SLCO5A1: variants seen among roughly 807,000 people sequenced by gnomAD.
SLCO5A1 encodes organic anion transporter polypeptide-related protein 4.
A neutral mutation model predicts 65.1 loss-of-function variants in SLCO5A1; 39 were observed. That is an observed-to-expected ratio of 0.60 (90% confidence interval 0.46 to 0.78). The LOEUF is 0.78. Among genes scored for constraint, SLCO5A1 ranks in the 30% least tolerant of loss-of-function variants. The pLI is 0.00. For synonymous variants in SLCO5A1, 438 were observed against 415.7 expected, an observed-to-expected ratio of 1.05 and a Z score of -0.65; for missense variants, 1,029 against 1,069.4, an observed-to-expected ratio of 0.96 and a Z score of 0.53.
intron 8 of SLCO5A1, among the ~76,000 whole-genome samples, chr8:69,678,332 C>CA (rs1813631244): frequency 6.6e-6 from 1 of 152,088 alleles, no homozygotes. Flanking sequence ...AGGAACTCCC[C>CA]AAACCTCCGT....
chr8:69,773,058 G>A, intron 2 of SLCO5A1: 1 of 714,950 alleles, frequency 1.4e-6, no homozygotes, highest in Non-Finnish European at 1.7e-6. Flanking sequence ...TAAAGGCTGA[G>A]CAGCACACAT....
chr8:69,820,884 G>C (rs1334718714), intron 2 of SLCO5A1, among the ~76,000 whole-genome samples: 1 of 152,078 alleles, frequency 6.6e-6, no homozygotes, highest in Non-Finnish European at 1.5e-5. Flanking sequence ...AAATGTTATA[G>C]CAAGAGAAAC....
chr8:69,823,197 G>C (rs984245182), intron 2 of SLCO5A1, among the ~76,000 whole-genome samples: 2 of 152,028 alleles, frequency 1.3e-5, no homozygotes, highest in Non-Finnish European at 2.9e-5. Flanking sequence ...TTGAGGCTAG[G>C]AAAAAACTGC....
At chr8:69,771,270 C>G (rs1255107092) in intron 2 of SLCO5A1, among the ~76,000 whole-genome samples, 2 of 152,204 alleles carry the variant, frequency 1.3e-5, no homozygotes, top group African/African-American at 4.8e-5. Flanking sequence ...AGGTGTGAAC[C>G]ACCACGCCCC....
intron 5 of SLCO5A1, among the ~76,000 whole-genome samples, chr8:69,707,412 G>T (rs1815019402): frequency 6.6e-6 from 1 of 152,060 alleles, no homozygotes; most frequent in Non-Finnish European, 1.5e-5. Context: ...TCTGCACAAA[G>T]AAAATACATG....
chr8:69,716,882 C>A (rs1405400042), intron 5 of SLCO5A1, among the ~76,000 whole-genome samples: 2 of 151,630 alleles, frequency 1.3e-5, no homozygotes, highest in African/African-American at 2.4e-5. Context: ...CAGGTCCAAG[C>A]AATTCTCCCT....
At chr8:69,814,736 G>A (rs1485929197) in intron 2 of SLCO5A1, among the ~76,000 whole-genome samples, 1 of 152,116 alleles carries the variant, frequency 6.6e-6, no homozygotes, top group Non-Finnish European at 1.5e-5. Flanking sequence ...CATGTTCACT[G>A]CAGCACTATT....
chr8:69,752,247 A>G (rs1039893615), intron 4 of SLCO5A1, among the ~76,000 whole-genome samples: 4 of 152,146 alleles, frequency 2.6e-5, no homozygotes, highest in African/African-American at 9.7e-5. Flanking sequence ...CTAAAATAGA[A>G]TAAAAATTTT....
intron 5 of SLCO5A1, among the ~76,000 whole-genome samples, chr8:69,721,787 A>C (rs1815828318): frequency 6.6e-6 from 1 of 152,230 alleles, no homozygotes; most frequent in Non-Finnish European, 1.5e-5. Flanking sequence ...AACAGCAGGA[A>C]ACTCAAAATT....
chr8:69,801,483 T>C (rs975250236), intron 2 of SLCO5A1, among the ~76,000 whole-genome samples: 2 of 152,210 alleles, frequency 1.3e-5, no homozygotes, highest in Non-Finnish European at 1.5e-5. Context: ...ATGAATTTCA[T>C]AAAAATGGAA....
chr8:69,757,791 TATCAG>T (rs1328182481), intron 3 of SLCO5A1, among the ~76,000 whole-genome samples: 9 of 704 alleles, frequency 0.013, no homozygotes, highest in South Asian at 0.1. Context: ...CATCAGGCAC[TATCAG>T]GCACTGCTCA....
chr8:69,737,172 C>A (rs1040036187), intron 5 of SLCO5A1, among the ~76,000 whole-genome samples: 2 of 152,156 alleles, frequency 1.3e-5, no homozygotes, highest in South Asian at 2.1e-4. Flanking sequence ...TATTTCAAAT[C>A]AATTTCTCTT....
chr8:69,830,665 T>G (rs1821115771), intron 2 of SLCO5A1, among the ~76,000 whole-genome samples: 2 of 152,156 alleles, frequency 1.3e-5, no homozygotes, highest in South Asian at 4.2e-4. Flanking sequence ...TACAGGGAGG[T>G]GCTAACAACC....
intron 2 of SLCO5A1, among the ~76,000 whole-genome samples, chr8:69,818,600 T>C (rs1820502340): frequency 6.6e-6 from 1 of 152,244 alleles, no homozygotes. Flanking sequence ...CTCTGTTATT[T>C]GTGGGTGGGC....
intron 2 of SLCO5A1, among the ~76,000 whole-genome samples, chr8:69,798,309 C>T (rs1303929589): frequency 6.6e-6 from 1 of 152,130 alleles, no homozygotes; most frequent in Non-Finnish European, 1.5e-5. Context: ...CTTTCTTGCA[C>T]TGCTCTAAAG....
chr8:69,679,692 G>C lies in SLCO5A1; in HGVS notation c.1783-73C>G, dbSNP rs370749102. The C allele has an allele frequency of 1.1e-4, 165 of 1,567,974 alleles. 2 individuals are homozygous for C. In the East Asian group the frequency reaches 1.6e-3, roughly 15 times the overall value. On this transcript the variant is annotated intron_variant, in intron 7 of 9. Transcript: ENST00000260126. ...TGTGGCATAAGAATATTAAGACAAA[G>C]TTAAGTAAAAGTACTCTAAAATAGC... is the stretch of plus-strand genomic sequence containing the variant.
intron 2 of SLCO5A1, among the ~76,000 whole-genome samples, chr8:69,826,153 G>T (rs1283074927): frequency 1.3e-5 from 2 of 152,172 alleles, no homozygotes; most frequent in African/African-American, 2.4e-5. Context: ...AGACTTATAT[G>T]TTAGACCTAA....
At chr8:69,680,272 C>T (rs1328683099) in intron 7 of SLCO5A1, among the ~76,000 whole-genome samples, 1 of 152,190 alleles carries the variant, frequency 6.6e-6, no homozygotes, top group Non-Finnish European at 1.5e-5. Context: ...GGTAGTTTTT[C>T]ACACCTCCCT....
intron 6 of SLCO5A1, 55 bp from the exon 7 acceptor site, chr8:69,682,398 G>A (rs757942035): frequency 2.0e-4 from 283 of 1,421,982 alleles, no homozygotes; most frequent in Non-Finnish European, 2.5e-4. Flanking sequence ...AAAACTCATA[G>A]GAAAGGTCTT....
Sources: allele counts gnomAD v4.1 joint callset (sites outside exome capture counted in the v4.1 genomes callset), GRCh38; gene constraint gnomAD v4.1.1; transcripts MANE v1.5; gene names NCBI Gene and HGNC (gene_info 2026-07-23, HGNC 2026-07-21).